Variants in ARID4A observed in about 807,000 individuals in gnomAD.
The protein encoded by ARID4A is AT-rich interaction domain 4A.
Under a neutral mutation model 148.6 loss-of-function variants are expected in ARID4A, and 39 were observed. That is an observed-to-expected ratio of 0.26 (90% CI 0.20 to 0.34). The LOEUF (loss-of-function observed/expected upper bound fraction) is 0.34, where lower values mean the gene tolerates loss of function less well. ARID4A is among the 10% of genes least tolerant of loss of function. The pLI, the probability that ARID4A is intolerant of heterozygous loss-of-function variation, is 1.00. For synonymous variants in ARID4A, 475 were observed against 481.2 expected (o/e 0.99, Z 0.17); for missense variants, 1,265 against 1,449.1 (o/e 0.87, Z 2.06).
At chr14:58,346,304 G>A in intron 12 of ARID4A, 107 bp from the exon 13 acceptor site, 1 of 649,882 alleles carries the variant, frequency 1.5e-6, no homozygotes, top group Admixed American at 2.9e-5. Flanking sequence ...TTAAATATGT[G>A]CCTCTAATTA....
At chr14:58,309,846 A>G (rs1436116869) in intron 5 of ARID4A, among the ~76,000 whole-genome samples, 2 of 152,202 alleles carry the variant, frequency 1.3e-5, no homozygotes, top group Non-Finnish European at 2.9e-5. Context: ...AACATCGGTT[A>G]TATCAGATTT....
At chr14:58,337,520 G>A (rs913798862) in intron 11 of ARID4A, among the ~76,000 whole-genome samples, 17 of 151,848 alleles carry the variant, frequency 1.1e-4, no homozygotes, top group Non-Finnish European at 2.2e-4. Flanking sequence ...CAAGGTGGTG[G>A]GAGATTTGTT....
In ARID4A at chr14:58,372,082, G is replaced by T; in HGVS notation, c.*93G>T. 1 of 862,524 alleles carries T rather than the reference G, an allele frequency of 1.2e-6. No individual in the cohort carries two copies. The allele number at this position is 862,524 out of a possible 1,614,324, so 53.4% of individuals were successfully genotyped here. A position where few individuals can be genotyped will look rare whatever the true frequency, so the allele number is the denominator to read the frequency against. Reference sequence around the variant, plus strand: ...ACCACAGAAAGCACTCAACTGGTTTGACATTGCTAAGTATATCCTGTATAC... The same window carrying T: ...ACCACAGAAAGCACTCAACTGGTTTTACATTGCTAAGTATATCCTGTATAC... On this transcript the variant is annotated 3_prime_UTR_variant, in exon 24 of 24. Coordinates refer to ENST00000355431, the MANE Select transcript of ARID4A (RefSeq NM_002892.4).
At chr14:58,304,850 A>G in intron 3 of ARID4A, 94 bp from the exon 4 acceptor site, 1 of 1,079,278 alleles carries the variant, frequency 9.3e-7, no homozygotes, top group Non-Finnish European at 1.4e-6. Context: ...TGGTGCTAAG[A>G]AAGCATAAAT....
At chr14:58,311,529 A>T (rs1434883161) in intron 5 of ARID4A, among the ~76,000 whole-genome samples, 7 of 152,126 alleles carry the variant, frequency 4.6e-5, no homozygotes, top group Non-Finnish European at 1.0e-4. Context: ...AATAGCATAG[A>T]AGTTCCTCAA....
intron 1 of ARID4A, 66 bp from the exon 2 acceptor site, chr14:58,299,732 C>T (rs2030966797): frequency 7.2e-7 from 1 of 1,393,862 alleles, no homozygotes; most frequent in Admixed American, 1.7e-5. Flanking sequence ...TGTTTACTTT[C>T]TTTCCCTTGG....
At chr14:58,347,202 T>A in intron 14 of ARID4A, 85 bp downstream of exon 14, 2 of 669,520 alleles carry the variant, frequency 3.0e-6, no homozygotes, top group Non-Finnish European at 4.5e-6. Context: ...TACATCAATC[T>A]AGAAACATTA....
intron 16 of ARID4A, among the ~76,000 whole-genome samples, chr14:58,352,439 A>G (rs1388174129): frequency 1.3e-5 from 2 of 152,200 alleles, no homozygotes. Context: ...ACATCAAAAT[A>G]TGTATATTGT....
intron 5 of ARID4A, among the ~76,000 whole-genome samples, chr14:58,308,547 C>T (rs1242489184): frequency 6.6e-6 from 1 of 152,204 alleles, no homozygotes; most frequent in Non-Finnish European, 1.5e-5. Flanking sequence ...ATTCAGAAAA[C>T]TCAAGATAGC....
intron 13 of ARID4A, 68 bp downstream of exon 13, chr14:58,346,573 T>TATAATAATGCAA: frequency 6.1e-6 from 6 of 982,390 alleles, no homozygotes; most frequent in Non-Finnish European, 9.6e-6. Flanking sequence ...TTATATTGCA[T>TATAATAATGCAA]TATTATATGC....
chr14:58,323,157 A>G (rs1458631139), intron 7 of ARID4A, among the ~76,000 whole-genome samples: 1 of 151,492 alleles, frequency 6.6e-6, no homozygotes, highest in African/African-American at 2.4e-5. Context: ...TAGAAGGGCA[A>G]TCTTAAAAAA....
chr14:58,324,593 T>C (rs1164276388), intron 8 of ARID4A, among the ~76,000 whole-genome samples: 1 of 152,220 alleles, frequency 6.6e-6, no homozygotes, highest in African/African-American at 2.4e-5. Context: ...GAAGTCTTTT[T>C]AAAATATCAT....
chr14:58,341,081 C>G (rs1324143112), intron 11 of ARID4A, among the ~76,000 whole-genome samples: 1 of 152,112 alleles, frequency 6.6e-6, no homozygotes, highest in Admixed American at 6.5e-5. Context: ...TTCTCTCTGT[C>G]TCTCTCTCTT....
At chr14:58,339,023 G>A (rs918438255) in intron 11 of ARID4A, among the ~76,000 whole-genome samples, 1 of 144,328 alleles carries the variant, frequency 6.9e-6, no homozygotes, top group African/African-American at 2.6e-5. Flanking sequence ...CTGGAGTGCA[G>A]TGGTGATTAT....
At chr14:58,348,115 C>T (rs2034460620) in intron 15 of ARID4A, among the ~76,000 whole-genome samples, 1 of 152,106 alleles carries the variant, frequency 6.6e-6, no homozygotes, top group Non-Finnish European at 1.5e-5. Context: ...GGATGAATCC[C>T]AGATATTCCT....
chr14:58,303,137 A>C (rs12323535), intron 3 of ARID4A, among the ~76,000 whole-genome samples: 106,857 of 151,980 alleles, frequency 0.7, 37,959 homozygotes, highest in Middle Eastern at 0.87. Flanking sequence ...TCATATAGTT[A>C]ATGAAGTCCT....
At chr14:58,323,048 G>C (rs1372097475) in intron 7 of ARID4A, among the ~76,000 whole-genome samples, 2 of 146,148 alleles carry the variant, frequency 1.4e-5, no homozygotes, top group Non-Finnish European at 3.0e-5. Flanking sequence ...TAGTTACCCA[G>C]ATAAGTTACC....
In ARID4A at chr14:58,351,316, C is replaced by G; in HGVS notation, c.1648C>G (p.Gln550Glu). Residue 550 changes from glutamine to glutamate, a missense_variant, in exon 16 of 24, where the codon CAA (glutamine) becomes GAA (glutamate). Physicochemically the swap from Gln to Glu is conservative, Grantham distance 29 (BLOSUM62 2). This residue lies in a region of ARID4A where 205 missense variants were observed against 196.9 expected (regional missense o/e 1.04). Transcript: ENST00000355431. ...CTCAGATGAAGAGGAAGAGAAAAGC[C>G]AAGAGAGGTACATTATCTTATGTTT... Reference protein sequence around the residue: ...KDSDEEEEKSQEREETESKCD... With the variant: ...KDSDEEEEKSEEREETESKCD... 1 of 1,598,820 alleles carries G rather than the reference C, an allele frequency of 6.3e-7. No individual in the cohort carries two copies. Among genetic ancestry groups the G allele is most frequent in the Admixed American group, 1.8e-5 (1 of 55,810 alleles).
intron 8 of ARID4A, among the ~76,000 whole-genome samples, chr14:58,325,810 A>G (rs2033173330): frequency 6.6e-6 from 1 of 152,106 alleles, no homozygotes; most frequent in African/African-American, 2.4e-5. Flanking sequence ...GTATAGAAAA[A>G]TAAGTAATTT....
Sources: allele counts gnomAD v4.1 joint callset (sites outside exome capture counted in the v4.1 genomes callset), GRCh38; gene constraint gnomAD v4.1.1; regional missense constraint gnomAD v4.1.1; transcripts MANE v1.5; gene names NCBI Gene and HGNC (gene_info 2026-07-23, HGNC 2026-07-21).